SCAI: variants seen among roughly 807,000 people sequenced by gnomAD.
The protein encoded by SCAI is suppressor of cancer cell invasion.
A neutral mutation model predicts 92.2 loss-of-function variants in SCAI; 24 were observed. That is an observed-to-expected ratio of 0.26 (90% CI 0.19 to 0.37). The LOEUF (loss-of-function observed/expected upper bound fraction) is 0.37, where lower values mean the gene tolerates loss of function less well. Ranked by LOEUF, SCAI falls within the 10% of genes least tolerant of loss-of-function variation. SCAI has a pLI of 1.00. For synonymous variants in SCAI, 261 were observed against 258.6 expected (o/e 1.01, Z -0.09); for missense variants, 450 against 736.2 (o/e 0.61, Z 4.50).
At chr9:125,030,900 C>G (rs1833060741) in intron 3 of SCAI, among the ~76,000 whole-genome samples, 1 of 152,122 alleles carries the variant, frequency 6.6e-6, no homozygotes, top group Non-Finnish European at 1.5e-5. Context: ...CAAGAACTTA[C>G]AAGATTGAAA....
At chr9:124,980,885 C>T (rs1831871571) in intron 14 of SCAI, among the ~76,000 whole-genome samples, 1 of 152,110 alleles carries the variant, frequency 6.6e-6, no homozygotes, top group Admixed American at 6.6e-5. Flanking sequence ...TTGGAGACCT[C>T]TGACATAAAT....
In SCAI at chr9:124,943,854, T is replaced by TAA. The variant is rs1831098510; in HGVS notation, c.*8952_*8953insTT. 4 of 152,186 alleles carry TAA rather than the reference T, an allele frequency of 2.6e-5. No homozygotes were observed. The highest frequency in any genetic ancestry group is 5.9e-5 in the Non-Finnish European group (4 of 68,014). The allele number at this position is 152,186 out of a possible 1,614,324, so 9.4% of individuals were successfully genotyped here. A position where few individuals can be genotyped will look rare whatever the true frequency, so the allele number is the denominator to read the frequency against. On this transcript the variant is annotated 3_prime_UTR_variant, in exon 18 of 18. Transcript: ENST00000336505. ...GAGGAAATAATAAAGTGTCCTGAAA[T>TAA]TACAATAATTCTTAGCACAAAGTAA...
Position 125,091,220 on chromosome 9 carries a change from A to C in SCAI, c.99-35213T>G, listed in dbSNP as rs1834423091. On this transcript the variant is annotated intron_variant, in intron 2 of 17. Coordinates refer to ENST00000336505, the MANE Select transcript of SCAI (RefSeq NM_001144877.3). This position sits in a 1 kb window ranked among gnomAD's most constrained non-coding sequence, Gnocchi z 4.3. ...GGAACCAGACTCCCCTAGGGGCATG[A>C]CTTCAGCCATGATTACAGATATTTG... Among the ~76,000 whole-genome samples the C allele has an allele frequency of 6.6e-6, 1 of 152,206 alleles. No homozygotes were observed. Among genetic ancestry groups the C allele is most frequent in the Non-Finnish European group, 1.5e-5 (1 of 68,034 alleles).
At chr9:125,141,301 C>A (rs1165127150) in intron 2 of SCAI, among the ~76,000 whole-genome samples, 2 of 152,162 alleles carry the variant, frequency 1.3e-5, no homozygotes, top group Non-Finnish European at 2.9e-5. Flanking sequence ...ATCAGCATTT[C>A]GTGTCTATTT....
intron 14 of SCAI, among the ~76,000 whole-genome samples, chr9:124,981,088 G>C (rs1439978117): frequency 6.6e-6 from 1 of 152,134 alleles, no homozygotes; most frequent in Non-Finnish European, 1.5e-5. Context: ...CCACACAGAT[G>C]AAGTGTACGA....
chr9:124,992,573 G>A (rs10760386), intron 14 of SCAI, among the ~76,000 whole-genome samples: 81,593 of 151,594 alleles, frequency 0.54, 22,684 homozygotes, highest in South Asian at 0.58. Flanking sequence ...CAGTAGAGAC[G>A]GGATTTCACC....
chr9:124,979,424 C>T (rs1272601679), intron 14 of SCAI, among the ~76,000 whole-genome samples: 1 of 151,620 alleles, frequency 6.6e-6, no homozygotes, highest in African/African-American at 2.4e-5. Flanking sequence ...CTTGTAATCC[C>T]AGCTACTAGG....
At position 125,138,249 on chromosome 9, in the gene SCAI, CTTT is replaced by C. The variant is rs10570060; in HGVS notation, c.98+4381_98+4383del. On this transcript the variant is annotated intron_variant, in intron 2 of 17. Coordinates refer to ENST00000336505, the MANE Select transcript of SCAI (RefSeq NM_001144877.3). Reference sequence around the variant, plus strand: ...CCTTGGGGAAGTCGAACTATTATTTCTTTTTTTTTTTTTTTTTTTTTTGGAGAC... The same window carrying C: ...CCTTGGGGAAGTCGAACTATTATTTCTTTTTTTTTTTTTTTTTTTGGAGAC... 7.1e-3 allele frequency among the ~76,000 whole-genome samples: 742 copies of C among 104,148 alleles called. 5 individuals are homozygous for C. The highest frequency in any genetic ancestry group is 0.023 in the African/African-American group (679 of 29,818). The allele number at this position is 104,148 out of a possible 152,430, so 68.3% of individuals were successfully genotyped here. A position where few individuals can be genotyped will look rare whatever the true frequency, so the allele number is the denominator to read the frequency against.
intron 2 of SCAI, among the ~76,000 whole-genome samples, chr9:125,088,451 T>C (rs1374708441): frequency 6.6e-6 from 1 of 152,152 alleles, no homozygotes; most frequent in African/African-American, 2.4e-5. Context: ...TCTTCCTCCT[T>C]CTCCAGCCAT....
chr9:125,121,962 C>A (rs1453559327), intron 2 of SCAI, among the ~76,000 whole-genome samples: 1 of 152,200 alleles, frequency 6.6e-6, no homozygotes, highest in Non-Finnish European at 1.5e-5. Context: ...AGAAGTATCA[C>A]AATTTCACTG....
chr9:125,132,107 T>C (rs193088064), intron 2 of SCAI, among the ~76,000 whole-genome samples: 69 of 152,072 alleles, frequency 4.5e-4, no homozygotes, highest in African/African-American at 1.6e-3. Flanking sequence ...TCATTTTCTT[T>C]TCTTTTTTCC....
intron 1 of SCAI, among the ~76,000 whole-genome samples, 165 bp downstream of exon 1, chr9:125,143,220 G>T (rs890548434): frequency 1.3e-5 from 2 of 150,666 alleles, no homozygotes; most frequent in African/African-American, 4.9e-5. Context: ...ATCGCGCCCA[G>T]CCCGCGCCGC....
chr9:125,005,637 C>T (rs766745667), intron 9 of SCAI, among the ~76,000 whole-genome samples: 6 of 152,062 alleles, frequency 3.9e-5, no homozygotes, highest in Non-Finnish European at 5.9e-5. Flanking sequence ...AGCCAAGAGA[C>T]GGGGATTAAA....
chr9:125,128,781 G>C lies in SCAI; in HGVS notation c.98+13852C>G, dbSNP rs886550981. 1.3e-5 allele frequency among the ~76,000 whole-genome samples: 2 copies of C among 151,104 alleles called. 1 individual carries two copies. Among genetic ancestry groups the C allele is most frequent in the Middle Eastern group, 6.9e-3 (2 of 290 alleles). ...AAAAAAAAATAAATAATTGAATTCAGGCCGGGCACAGTGGCTCACGCCTGT... is the reference window on the plus strand; with the variant it reads ...AAAAAAAAATAAATAATTGAATTCACGCCGGGCACAGTGGCTCACGCCTGT... On this transcript the variant is annotated intron_variant, in intron 2 of 17. Transcript: ENST00000336505.
In SCAI at chr9:124,952,210, A is replaced by G. The variant is rs956483675; in HGVS notation, c.*597T>C. On this transcript the variant is annotated 3_prime_UTR_variant, in exon 18 of 18. Coordinates refer to ENST00000336505, the MANE Select transcript of SCAI (RefSeq NM_001144877.3). ...TATTACCACCTCAAGTCCTCAATCAAGATGTAGCTTTCAGATGCAATTCAA... is the reference window on the plus strand; with the variant it reads ...TATTACCACCTCAAGTCCTCAATCAGGATGTAGCTTTCAGATGCAATTCAA... 6.6e-6 allele frequency: 1 copy of G among 152,246 alleles called. No individual in the cohort carries two copies. Among genetic ancestry groups the G allele is most frequent in the African/African-American group, 2.4e-5 (1 of 41,468 alleles). The allele number at this position is 152,246 out of a possible 1,614,324, so 9.4% of individuals were successfully genotyped here.
chr9:125,016,115 GCACATGTATA>G (rs1217546689), intron 9 of SCAI, among the ~76,000 whole-genome samples: 1 of 150,358 alleles, frequency 6.7e-6, no homozygotes, highest in Non-Finnish European at 1.5e-5. Context: ...CACCAGCATG[GCACATGTATA>G]CATATGTAAC....
chr9:125,133,998 C>T (rs61569946), intron 2 of SCAI, among the ~76,000 whole-genome samples: 3,524 of 152,194 alleles, frequency 0.023, 145 homozygotes, highest in African/African-American at 0.081. Context: ...GAGGCAAAAC[C>T]CCCTTAGTTG....
intron 17 of SCAI, among the ~76,000 whole-genome samples, chr9:124,956,844 T>C (rs920616681): frequency 1.3e-5 from 2 of 152,080 alleles, no homozygotes; most frequent in African/African-American, 2.4e-5. Flanking sequence ...AGAAAAGGCA[T>C]ATAGATTGGA....
At chr9:125,090,988 G>A (rs1031181817) in intron 2 of SCAI, among the ~76,000 whole-genome samples, 8 of 152,178 alleles carry the variant, frequency 5.3e-5, no homozygotes, top group African/African-American at 9.6e-5. Context: ...CATGGTGGCA[G>A]GCGCCTGTAG....
Sources: gnomAD v4.1 joint callset for allele counts (sites outside exome capture counted in the v4.1 genomes callset) on GRCh38, gnomAD v4.1.1 for gene constraint, Gnocchi (gnomAD v3.1) non-coding constraint, MANE v1.5 for transcripts, NCBI Gene and HGNC (gene_info 2026-07-23, HGNC 2026-07-21) for gene names.